The following TENM3 variants were observed in gnomAD, a reference collection of about 807,000 sequenced individuals.
TENM3 encodes the protein teneurin transmembrane protein 3, also known as teneurin-3.
Under a neutral mutation model 255.1 loss-of-function variants are expected in TENM3, and 63 were observed. That is an observed-to-expected ratio of 0.25 (90% CI 0.20 to 0.30). The LOEUF (loss-of-function observed/expected upper bound fraction) is 0.30. TENM3 is among the 10% of genes least tolerant of loss of function. The pLI is 1.00. For synonymous variants in TENM3, 1,306 were observed against 1,322.3 expected, an observed-to-expected ratio of 0.99 and a Z score of 0.27; for missense variants, 2,929 against 3,461.1, an observed-to-expected ratio of 0.85 and a Z score of 3.86.
the TENM3 span, among the ~76,000 whole-genome samples, chr4:181,875,938 G>C: frequency 6.6e-6 from 1 of 152,118 alleles, no homozygotes; most frequent in Non-Finnish European, 1.5e-5. Flanking sequence ...CTTTGGAAAA[G>C]AATGAATTAC....
chr4:181,786,594 G>C, the TENM3 span, among the ~76,000 whole-genome samples: 211 of 152,244 alleles, frequency 1.4e-3, 1 homozygote, highest in African/African-American at 4.7e-3. Flanking sequence ...GGCAAAGTCT[G>C]TGTGGGCGAG....
intron 22 of TENM3, among the ~76,000 whole-genome samples, chr4:182,763,331 T>C (rs6826545): frequency 0.86 from 131,172 of 152,194 alleles, 56,722 homozygotes; most frequent in African/African-American, 0.94. Flanking sequence ...TTTGGGAGGC[T>C]GAGGCGGGCG....
intron 4 of TENM3, among the ~76,000 whole-genome samples, chr4:182,604,509 A>G (rs1282832349): frequency 6.6e-6 from 1 of 152,214 alleles, no homozygotes; most frequent in African/African-American, 2.4e-5. Context: ...GTATGTAATA[A>G]TAGCTGCTAC....
At chr4:182,647,046 A>G (rs1433686055) in intron 5 of TENM3, among the ~76,000 whole-genome samples, 1 of 152,176 alleles carries the variant, frequency 6.6e-6, no homozygotes, top group Non-Finnish European at 1.5e-5. Flanking sequence ...CCATTTGTAA[A>G]CATGCTTAAG....
At chr4:182,240,661 C>T (rs1190015803), upstream of TENM3, among the ~76,000 whole-genome samples, 4 of 152,148 alleles carry the variant, frequency 2.6e-5, no homozygotes, top group African/African-American at 9.7e-5. Context: ...GAGTCCCGGC[C>T]CTGCAGCCCA....
At position 182,752,089 on chromosome 4, in the gene TENM3, G is replaced by A. The variant is rs1443884208; in HGVS notation, c.3862+57G>A. 80 of 984,666 alleles carry A rather than the reference G, an allele frequency of 8.1e-5. 1 individual carries two copies. Among genetic ancestry groups the A allele is most frequent in the Admixed American group, 2.1e-4 (6 of 28,028 alleles). The allele number at this position is 984,666 out of a possible 1,614,324, so 61.0% of individuals were successfully genotyped here. A position where few individuals can be genotyped will look rare whatever the true frequency, so the allele number is the denominator to read the frequency against. On this transcript the variant is annotated intron_variant, in intron 20 of 27. Coordinates refer to ENST00000511685, the MANE Select transcript of TENM3 (RefSeq NM_001080477.4). ...TTTATTTATTAAAAAAAAAAAAAAAGGGGTTGAAAATCCATTTAGTGCCTA... is the reference window on the plus strand; with the variant it reads ...TTTATTTATTAAAAAAAAAAAAAAAAGGGTTGAAAATCCATTTAGTGCCTA...
chr4:182,723,188 C>T (rs1321184563), intron 13 of TENM3, among the ~76,000 whole-genome samples: 1 of 152,074 alleles, frequency 6.6e-6, no homozygotes, highest in African/African-American at 2.4e-5. Context: ...AACATGAGGT[C>T]CAAAGCCACC....
chr4:182,723,769 C>G (rs1162450860), intron 13 of TENM3, among the ~76,000 whole-genome samples: 1 of 152,178 alleles, frequency 6.6e-6, no homozygotes, highest in Admixed American at 6.5e-5. Context: ...CAAACAGTGG[C>G]CTCTGAGCCA....
chr4:181,861,665 T>C, the TENM3 span, among the ~76,000 whole-genome samples: 4 of 152,252 alleles, frequency 2.6e-5, no homozygotes, highest in East Asian at 7.7e-4. Flanking sequence ...GATAAGTAAA[T>C]TTATTGATAG....
chr4:181,965,925 C>G, the TENM3 span, among the ~76,000 whole-genome samples: 2 of 152,158 alleles, frequency 1.3e-5, no homozygotes, highest in East Asian at 3.9e-4. Context: ...CCTGATCTAT[C>G]CATTAGAAAG....
At chr4:182,621,168 G>A (rs1581125934) in intron 4 of TENM3, among the ~76,000 whole-genome samples, 1 of 143,146 alleles carries the variant, frequency 7.0e-6, no homozygotes, top group Admixed American at 6.9e-5. Context: ...ACAACAGAGC[G>A]AGACTCCGTC....
intron 3 of TENM3, among the ~76,000 whole-genome samples, chr4:182,369,660 C>G (rs534957031): frequency 6.6e-6 from 1 of 152,228 alleles, no homozygotes; most frequent in East Asian, 1.9e-4. Context: ...GCAGGCCGAT[C>G]ACCTGAGGTC....
the TENM3 span, among the ~76,000 whole-genome samples, chr4:181,596,638 A>G: frequency 3.3e-5 from 5 of 152,224 alleles, no homozygotes; most frequent in Non-Finnish European, 5.9e-5. Flanking sequence ...AGATCCTCAT[A>G]TATAAAACTT....
chr4:181,473,265 A>AC, the TENM3 span, among the ~76,000 whole-genome samples: 162 of 152,192 alleles, frequency 1.1e-3, no homozygotes, highest in Non-Finnish European at 1.9e-3. Context: ...TTTCACAGAC[A>AC]CCTCTGGCTG....
intron 3 of TENM3, among the ~76,000 whole-genome samples, chr4:182,434,190 T>C (rs1313582433): frequency 1.3e-5 from 2 of 150,646 alleles, no homozygotes; most frequent in East Asian, 3.9e-4. Context: ...ATTGTGAAAA[T>C]AGAAGTGCTA....
the TENM3 span, among the ~76,000 whole-genome samples, chr4:181,619,828 C>A: frequency 1.1e-4 from 17 of 152,122 alleles, no homozygotes; most frequent in African/African-American, 4.1e-4. Context: ...GTGAGAGGAG[C>A]CCCAGGCTCC....
chr4:182,478,830 A>C (rs1380999649), intron 3 of TENM3, among the ~76,000 whole-genome samples: 2 of 151,966 alleles, frequency 1.3e-5, no homozygotes, highest in Non-Finnish European at 2.9e-5. Flanking sequence ...ATTATAGATA[A>C]AATATTATTT....
chr4:182,615,664 A>G (rs1447721803), intron 4 of TENM3, among the ~76,000 whole-genome samples: 2 of 152,110 alleles, frequency 1.3e-5, no homozygotes. Context: ...GGAACTGATT[A>G]GGGAAAACTT....
the TENM3 span, among the ~76,000 whole-genome samples, chr4:181,722,252 G>T: frequency 6.6e-6 from 1 of 152,118 alleles, no homozygotes; most frequent in Non-Finnish European, 1.5e-5. Flanking sequence ...AGAGGTCACT[G>T]GTGTCAAAAG....
Sources: allele counts gnomAD v4.1 joint callset (sites outside exome capture counted in the v4.1 genomes callset), GRCh38; gene constraint gnomAD v4.1.1; transcripts MANE v1.5; gene names NCBI Gene and HGNC (gene_info 2026-07-23, HGNC 2026-07-21).